ARHGEF4: variants seen among roughly 807,000 people sequenced by gnomAD.
ARHGEF4 encodes Rho guanine nucleotide exchange factor 4, also known as APC-stimulated guanine nucleotide exchange factor 1.
ARHGEF4 carries 119 observed loss-of-function variants against 162.0 expected under a neutral mutation model. The observed-to-expected ratio is 0.73, with a 90% confidence interval of 0.63 to 0.86. The LOEUF (loss-of-function observed/expected upper bound fraction) is 0.86. Among genes scored for constraint, ARHGEF4 ranks in the 40% least tolerant of loss-of-function variants. The pLI is 0.00. For missense variants in ARHGEF4, 2,488 were observed against 2,456.0 expected (o/e 1.01, Z -0.28); for synonymous variants, 1,014 against 979.9 (o/e 1.03, Z -0.65).
chr2:130,916,914 G>C lies in ARHGEF4; in HGVS notation c.2968G>C (p.Glu990Gln). 1 of 1,550,610 alleles carries C rather than the reference G, an allele frequency of 6.4e-7. No homozygotes were observed. Among genetic ancestry groups the C allele is most frequent in the South Asian group, 1.2e-5 (1 of 84,052 alleles). ...AGCAGAGACCGACAGCCACTGTGAG[G>C]AACGGGCGGAGGACAAAGAGGGCTA... ...SPAETDSHCE[E>Q]RAEDKEGYVF... is the part of the protein sequence containing the mutation. Residue 990 changes from glutamate (E) to glutamine (Q), a missense_variant, in exon 2 of 14, where the codon GAA (glutamate) becomes CAA (glutamine). This residue lies in a region of ARHGEF4 where 1,642 missense variants were observed against 1,481.5 expected (regional missense o/e 1.11). Transcript: ENST00000409359.
At chr2:131,039,056 T>G (rs1355996663) in intron 6 of ARHGEF4, 24 bp downstream of exon 6, 4 of 1,585,034 alleles carry the variant, frequency 2.5e-6, no homozygotes, top group African/African-American at 2.7e-5. Flanking sequence ...CCCCAGCTTC[T>G]CCCAAGTTGG....
rs1050035773 is a variant in ARHGEF4 at position 130,914,544 on chromosome 2, G to A, written c.598G>A (p.Val200Met). 1.6e-5 allele frequency: 22 copies of A among 1,414,800 alleles called. No homozygotes were observed. Among genetic ancestry groups the A allele is most frequent in the Middle Eastern group, 5.2e-4 (2 of 3,868 alleles). 87.6% of individuals were successfully genotyped at this position (1,414,800 alleles called of 1,614,324 possible). A position where few individuals can be genotyped will look rare whatever the true frequency, so the allele number is the denominator to read the frequency against. The change falls in exon 2 of 14, where the codon GTG becomes ATG. Residue 200 changes from valine to methionine, a missense_variant. Around this residue, in one of 6 missense-constraint regions of ARHGEF4, gnomAD observed 81 missense variants for 125.8 expected, o/e 0.64. Coordinates refer to ENST00000409359, the MANE Select transcript of ARHGEF4 (RefSeq NM_001367493.1). ...DSSGPEPVQG[V>M]AVQDLRGLSS... ...CAGTGGTCCTGAGCCAGTACAGGGG[G>A]TGGCTGTTCAAGACCTCAGAGGGCT...
intron 1 of ARHGEF4, among the ~76,000 whole-genome samples, chr2:130,873,450 A>T (rs1054022675): frequency 2.0e-5 from 3 of 151,954 alleles, no homozygotes; most frequent in Non-Finnish European, 4.4e-5. Flanking sequence ...TTAGCTGGGC[A>T]TGGTGGCGGG....
intron 4 of ARHGEF4, among the ~76,000 whole-genome samples, chr2:130,994,320 T>C (rs1687239753): frequency 6.6e-6 from 1 of 152,246 alleles, no homozygotes; most frequent in Non-Finnish European, 1.5e-5. Flanking sequence ...TTGGCCATTT[T>C]ATATTTTTCC....
At position 130,908,999 on chromosome 2, in the gene ARHGEF4, G is replaced by A. The variant is rs556038093; in HGVS notation, c.40-4987G>A. ...AGGAGATACCGCTTCACAGACACTG[G>A]GAGGATTAACATGAACAAGGCTGGT... On this transcript the variant is annotated intron_variant, in intron 1 of 13. Transcript: ENST00000409359. Among the ~76,000 whole-genome samples the A allele has an allele frequency of 2.3e-3, 353 of 152,318 alleles. 3 individuals are homozygous for A. The highest frequency in any genetic ancestry group is 7.8e-3 in the African/African-American group (325 of 41,568).
intron 11 of ARHGEF4, 101 bp downstream of exon 11, chr2:131,043,684 C>G: frequency 6.4e-7 from 1 of 1,559,688 alleles, no homozygotes; most frequent in Non-Finnish European, 8.7e-7. Flanking sequence ...CCAGCCAGAC[C>G]ATACCCGGGG....
At chr2:130,964,025 T>C in intron 4 of ARHGEF4, 3 of 337,654 alleles carry the variant, frequency 8.9e-6, no homozygotes, top group Non-Finnish European at 1.2e-5. Flanking sequence ...AGCCTGTGGC[T>C]GGAGCTCGGG....
intron 3 of ARHGEF4, among the ~76,000 whole-genome samples, chr2:130,935,988 C>T (rs1009781698): frequency 6.6e-6 from 1 of 152,148 alleles, no homozygotes; most frequent in Admixed American, 6.5e-5. Flanking sequence ...TTGCTTGAAA[C>T]CGGGAGGCAG....
intron 4 of ARHGEF4, among the ~76,000 whole-genome samples, chr2:130,971,788 T>C (rs1685388855): frequency 1.3e-5 from 2 of 152,222 alleles, no homozygotes; most frequent in Non-Finnish European, 2.9e-5. Context: ...GGAGTCAGTT[T>C]AGAAACATCA....
At chr2:130,867,048 T>G (rs575695136) in intron 1 of ARHGEF4, among the ~76,000 whole-genome samples, 1 of 152,272 alleles carries the variant, frequency 6.6e-6, no homozygotes, top group African/African-American at 2.4e-5. Context: ...TTAATAGATA[T>G]AGGCCTTCCT....
At chr2:130,877,955 C>T (rs1277962132) in intron 1 of ARHGEF4, among the ~76,000 whole-genome samples, 3 of 152,120 alleles carry the variant, frequency 2.0e-5, no homozygotes. Context: ...TTAAGGGGTG[C>T]TTTAGTCTTG....
chr2:130,907,732 T>G (rs534328975), intron 1 of ARHGEF4, among the ~76,000 whole-genome samples: 195 of 151,650 alleles, frequency 1.3e-3, no homozygotes, highest in African/African-American at 4.0e-3. Flanking sequence ...GGCAGGCAGA[T>G]CACGAAGTCA....
rs201991731 is a variant in ARHGEF4 at position 130,931,270 on chromosome 2, C to G, written c.3858+13C>G. The G allele has an allele frequency of 1.3e-6, 2 of 1,586,164 alleles. No homozygotes were observed. Among genetic ancestry groups the G allele is most frequent in the African/African-American group, 2.7e-5 (2 of 74,268 alleles). The stretch of plus-strand genomic sequence containing the variant: ...AGATGGAGTCAAGGTAAGCCACTCC[C>G]GGCCAGGAGTCCTCAGACTTGGTCT... On this transcript the variant is annotated intron_variant, in intron 3 of 13. Coordinates refer to ENST00000409359, the MANE Select transcript of ARHGEF4 (RefSeq NM_001367493.1).
intron 1 of ARHGEF4, among the ~76,000 whole-genome samples, chr2:130,908,481 C>A (rs540040519): frequency 6.6e-6 from 1 of 152,244 alleles, no homozygotes; most frequent in Non-Finnish European, 1.5e-5. Flanking sequence ...TCAAGACCAG[C>A]CTGGCCAACA....
intron 4 of ARHGEF4, chr2:131,011,609 C>T (rs553139154): frequency 5.7e-5 from 87 of 1,527,054 alleles, no homozygotes; most frequent in African/African-American, 5.2e-4. Flanking sequence ...CCCCATTGGT[C>T]GTTCCTGGTA....
intron 1 of ARHGEF4, among the ~76,000 whole-genome samples, chr2:130,899,356 G>A (rs987288812): frequency 1.3e-5 from 2 of 152,178 alleles, no homozygotes; most frequent in South Asian, 2.1e-4. Context: ...AATGAATGCC[G>A]CAGAAGAGTG....
At chr2:130,900,548 C>T (rs4850130) in intron 1 of ARHGEF4, among the ~76,000 whole-genome samples, 109,195 of 152,104 alleles carry the variant, frequency 0.72, 39,470 homozygotes, top group East Asian at 0.96. Context: ...TATTTGCTTC[C>T]TTTTTATAAT....
chr2:130,912,889 A>G (rs1357479776), intron 1 of ARHGEF4, among the ~76,000 whole-genome samples: 1 of 152,220 alleles, frequency 6.6e-6, no homozygotes, highest in African/African-American at 2.4e-5. Context: ...GTACAGTGCA[A>G]TAAGATATTT....
At chr2:130,891,643 C>T (rs573981614) in intron 1 of ARHGEF4, among the ~76,000 whole-genome samples, 15 of 152,220 alleles carry the variant, frequency 9.9e-5, no homozygotes, top group African/African-American at 1.9e-4. Flanking sequence ...GGCTTGCAGA[C>T]GGCCGCCTTC....
Sources: allele counts gnomAD v4.1 joint callset (sites outside exome capture counted in the v4.1 genomes callset), GRCh38; gene constraint gnomAD v4.1.1; regional missense constraint gnomAD v4.1.1; transcripts MANE v1.5; gene names NCBI Gene and HGNC (gene_info 2026-07-23, HGNC 2026-07-21).